The following VAV3 variants were observed in gnomAD, a reference collection of about 807,000 sequenced individuals.
VAV3 encodes the protein guanine nucleotide exchange factor VAV3.
In VAV3, 94 loss-of-function variants were observed where a neutral mutation model predicts 131.2. That is an observed-to-expected ratio of 0.72 (90% CI 0.61 to 0.85). VAV3 has a LOEUF of 0.85. Among genes scored for constraint, VAV3 ranks in the 40% least tolerant of loss-of-function variants. The pLI is 0.00. For synonymous variants in VAV3, 349 were observed against 342.0 expected (o/e 1.02, Z -0.22); for missense variants, 939 against 1,002.7 (o/e 0.94, Z 0.86).
chr1:107,753,529 T>TACAC (rs1557822022), intron 12 of VAV3, among the ~76,000 whole-genome samples: 310 of 19,402 alleles, frequency 0.016, 12 homozygotes, highest in African/African-American at 0.045. Flanking sequence ...TATATATACG[T>TACAC]ATATATATAT....
At chr1:107,840,345 A>AAAG (rs143513643) in intron 2 of VAV3, among the ~76,000 whole-genome samples, 8,161 of 152,258 alleles carry the variant, frequency 0.054, 419 homozygotes, top group African/African-American at 0.14. Context: ...TGTATATTTT[A>AAAG]AAGTTGTGCA....
At position 107,602,501 on chromosome 1, in the gene VAV3, A is replaced by G. The variant is rs1040701747; in HGVS notation, c.2133-17T>C. On this transcript the variant is annotated splice_polypyrimidine_tract_variant and intron_variant, in intron 23 of 26. Transcript: ENST00000370056. ...TTATTGTACCTGTGGGCAATGAATAACTTATGAATATAAATGTGTTTTTAA... is the reference window on the plus strand; with the variant it reads ...TTATTGTACCTGTGGGCAATGAATAGCTTATGAATATAAATGTGTTTTTAA... 1 of 1,539,466 alleles carries G rather than the reference A, an allele frequency of 6.5e-7. No individual in the cohort carries two copies. Among genetic ancestry groups the G allele is most frequent in the Middle Eastern group, 1.7e-4 (1 of 5,878 alleles).
intron 9 of VAV3, among the ~76,000 whole-genome samples, chr1:107,761,233 C>CA (rs1254735672): frequency 1.3e-5 from 2 of 151,696 alleles, no homozygotes; most frequent in Non-Finnish European, 2.9e-5. Context: ...ACTGAAAATA[C>CA]AAAAACAAAA....
rs563118586 is a variant in VAV3 at position 107,680,519 on chromosome 1, T to C, written c.1777+2969A>G. 5.3e-5 allele frequency among the ~76,000 whole-genome samples: 8 copies of C among 152,238 alleles called. No individual in the cohort carries two copies. The South Asian group carries it at 1.7e-3, about 32-fold the overall frequency. ...ATATACTGGGCACCTTTGAGAGTAC[T>C]TTACTTGGGCACCTTTGAGAGTACT... On this transcript the variant is annotated intron_variant, in intron 19 of 26. Coordinates refer to ENST00000370056, the MANE Select transcript of VAV3 (RefSeq NM_006113.5).
intron 2 of VAV3, among the ~76,000 whole-genome samples, chr1:107,832,417 G>A (rs889190924): frequency 2.6e-5 from 4 of 152,290 alleles, no homozygotes; most frequent in Middle Eastern, 3.4e-3. Context: ...TTTGGAATTC[G>A]TGGACCGGGT....
chr1:107,886,211 G>C (rs1671029321), intron 1 of VAV3, among the ~76,000 whole-genome samples: 1 of 152,218 alleles, frequency 6.6e-6, no homozygotes, highest in Admixed American at 6.5e-5. Flanking sequence ...ATATGTCCCA[G>C]GTATGACACT....
chr1:107,578,858 G>A, intron 25 of VAV3: 1 of 984,960 alleles, frequency 1.0e-6, no homozygotes, highest in South Asian at 4.7e-5. Flanking sequence ...TACACCAAGA[G>A]TCTGGAATAT....
intron 25 of VAV3, among the ~76,000 whole-genome samples, chr1:107,587,469 C>G (rs1340802232): frequency 6.6e-6 from 1 of 152,130 alleles, no homozygotes. Flanking sequence ...GTTTTTCAAG[C>G]AAGAGACTAG....
chr1:107,657,259 T>A (rs1400014939), intron 19 of VAV3, among the ~76,000 whole-genome samples: 1 of 152,134 alleles, frequency 6.6e-6, no homozygotes, highest in East Asian at 1.9e-4. Context: ...CCGGCCTCTG[T>A]ATCTTGAATA....
rs149045143 is a variant in VAV3, at chr1:107,806,022, G to C, written c.322-26530C>G. ...TGTGGAATGTACCACCTATAGCATG[G>C]TACTGAAAAGCCACTGACTTGGCAT... On this transcript the variant is annotated intron_variant, in intron 2 of 26. Transcript: ENST00000370056. 8.3e-4 allele frequency among the ~76,000 whole-genome samples: 126 copies of C among 152,216 alleles called. 1 individual carries two copies. The highest frequency in any genetic ancestry group is 2.9e-3 in the African/African-American group (120 of 41,542).
At chr1:107,678,211 G>C (rs1241865659) in intron 19 of VAV3, among the ~76,000 whole-genome samples, 1 of 151,940 alleles carries the variant, frequency 6.6e-6, no homozygotes, top group Admixed American at 6.6e-5. Flanking sequence ...TAATCACTGG[G>C]TTTACTGTCC....
At chr1:107,739,206 G>A (rs1439191762) in intron 15 of VAV3, among the ~76,000 whole-genome samples, 4 of 152,184 alleles carry the variant, frequency 2.6e-5, no homozygotes, top group Admixed American at 6.5e-5. Flanking sequence ...AGAGAAAAAT[G>A]AGAGAGCTTG....
At chr1:107,634,259 G>A (rs531475387) in intron 20 of VAV3, among the ~76,000 whole-genome samples, 2 of 152,174 alleles carry the variant, frequency 1.3e-5, no homozygotes, top group Admixed American at 6.5e-5. Context: ...GCATGGTACT[G>A]GTACCAAAAC....
intron 15 of VAV3, among the ~76,000 whole-genome samples, chr1:107,710,117 T>C (rs1285241115): frequency 1.3e-5 from 2 of 152,306 alleles, no homozygotes. Context: ...ATTTTAGTAA[T>C]ATAGTTATAG....
chr1:107,753,400 C>T (rs1483969124), intron 12 of VAV3, among the ~76,000 whole-genome samples: 1 of 151,028 alleles, frequency 6.6e-6, no homozygotes, highest in Non-Finnish European at 1.5e-5. Flanking sequence ...CATGAATGCA[C>T]TTCTAATTTG....
chr1:107,733,461 C>A (rs942310000), intron 15 of VAV3, among the ~76,000 whole-genome samples: 1 of 152,094 alleles, frequency 6.6e-6, no homozygotes, highest in East Asian at 1.9e-4. Flanking sequence ...GGAGGATGTT[C>A]GAACTCATCT....
At chr1:107,733,670 G>A (rs1662402022) in intron 15 of VAV3, among the ~76,000 whole-genome samples, 2 of 152,062 alleles carry the variant, frequency 1.3e-5, no homozygotes, top group South Asian at 4.1e-4. Context: ...ATGAAATGAA[G>A]CGAGAAGAGA....
intron 1 of VAV3, among the ~76,000 whole-genome samples, chr1:107,935,490 A>G (rs542867114): frequency 6.6e-6 from 1 of 152,314 alleles, no homozygotes; most frequent in East Asian, 1.9e-4. Flanking sequence ...GTTGGAGAAA[A>G]TGAAAAGCCA....
At chr1:107,884,399 AAATT>A (rs1277173780) in intron 1 of VAV3, among the ~76,000 whole-genome samples, 1 of 132,950 alleles carries the variant, frequency 7.5e-6, no homozygotes, top group Non-Finnish European at 1.6e-5. Context: ...AATTAAAAAT[AAATT>A]ATTTATTATT....
Sources: gnomAD v4.1 joint callset for allele counts (sites outside exome capture counted in the v4.1 genomes callset) on GRCh38, gnomAD v4.1.1 for gene constraint, MANE v1.5 for transcripts, NCBI Gene and HGNC (gene_info 2026-07-23, HGNC 2026-07-21) for gene names.